The following CHD2 variants were observed in gnomAD, a reference collection of about 807,000 sequenced individuals.
The protein encoded by CHD2 is ATP-dependent chromatin remodeler CHD2.
A neutral mutation model predicts 243.9 loss-of-function variants in CHD2; 28 were observed. That is an observed-to-expected ratio of 0.11 (90% CI 0.09 to 0.16). The LOEUF (loss-of-function observed/expected upper bound fraction) is 0.16, where lower values mean the gene tolerates loss of function less well. Among genes scored for constraint, CHD2 ranks in the 10% least tolerant of loss-of-function variants. The pLI, the probability that CHD2 is intolerant of heterozygous loss-of-function variation, is 1.00. For synonymous variants in CHD2, 775 were observed against 779.0 expected (o/e 0.99, Z 0.09); for missense variants, 1,386 against 2,209.8 (o/e 0.63, Z 7.47).
At chr15:92,979,537 A>G (rs528721424) in intron 22 of CHD2, among the ~76,000 whole-genome samples, 24 of 152,010 alleles carry the variant, frequency 1.6e-4, no homozygotes, top group Non-Finnish European at 3.4e-4. Context: ...CATGTGACAT[A>G]TGACACAGCA....
chr15:92,945,709 C>A (rs879121772), intron 10 of CHD2, 112 bp from the exon 11 acceptor site: 23 of 504,698 alleles, frequency 4.6e-5, no homozygotes, highest in South Asian at 9.0e-5. Flanking sequence ...TTTTTTTTTT[C>A]TTTTTTAAGG....
chr15:92,911,996 G>C (rs2052745189), intron 2 of CHD2, among the ~76,000 whole-genome samples: 1 of 152,120 alleles, frequency 6.6e-6, no homozygotes, highest in African/African-American at 2.4e-5. Context: ...ATGCTCATGG[G>C]GATAGTATAA....
chr15:92,997,037 G>A lies in CHD2; in HGVS notation c.3676G>A (p.Glu1226Lys), dbSNP rs774278079. ...QVNVKSIIQH[E>K]EEFEMLHKSI... ...TAATGTGAAATCCATTATCCAACAT[G>A]AAGAGGAGTTTGAGATGCTGCATAA... is the stretch of plus-strand genomic sequence containing the variant. The change falls in exon 29 of 39, where the codon GAA (glutamate) becomes AAA (lysine). Residue 1226 changes from glutamate to lysine, a missense_variant. Glu to Lys is a moderately conservative substitution (Grantham distance 56). Transcript: ENST00000394196. The surrounding 1 kb of genome is among the most constrained non-coding windows in gnomAD (Gnocchi z 4.1). 2 of 1,613,878 alleles carry A rather than the reference G, an allele frequency of 1.2e-6. No individual in the cohort carries two copies. Among genetic ancestry groups the A allele is most frequent in the South Asian group, 2.2e-5 (2 of 91,036 alleles).
At position 92,978,356 on chromosome 15, in the gene CHD2, A is replaced by G. The variant is rs770659670; in HGVS notation, c.2700A>G (p.Arg900=). The change falls in exon 21 of 39, where the codon CGA becomes CGG. Residue 900 remains arginine, a synonymous_variant. Coordinates refer to ENST00000394196, the MANE Select transcript of CHD2 (RefSeq NM_001271.4). ...NPQNDLQAQA[R]AHRIGQKKQV... ...AGAATGACTTGCAGGCACAAGCCCG[A>G]GCGCATAGAATTGGTCAAAAGAAGC... 3.1e-6 allele frequency: 5 copies of G among 1,613,976 alleles called. No homozygotes were observed. In the South Asian group the frequency reaches 3.3e-5, roughly 11 times the overall value.
At chr15:93,008,444 C>A (rs940434794) in intron 34 of CHD2, among the ~76,000 whole-genome samples, 2 of 152,176 alleles carry the variant, frequency 1.3e-5, no homozygotes, top group Admixed American at 1.3e-4. Context: ...CCATTTTAGC[C>A]CTCATCCTTC....
chr15:93,020,406 G>A (rs1281672115), intron 38 of CHD2, 148 bp downstream of exon 38: 7 of 1,000,628 alleles, frequency 7.0e-6, no homozygotes, highest in Non-Finnish European at 1.0e-5. Context: ...CCCATGTCTT[G>A]GTTATAGGTT....
At chr15:92,912,751 G>A (rs563151290) in intron 2 of CHD2, among the ~76,000 whole-genome samples, 6 of 152,180 alleles carry the variant, frequency 3.9e-5, no homozygotes, top group Middle Eastern at 3.4e-3. Flanking sequence ...GGCCAGGCTG[G>A]TCTCAAACTC....
intron 37 of CHD2, among the ~76,000 whole-genome samples, chr15:93,018,918 C>T (rs2054495912): frequency 6.6e-6 from 1 of 152,324 alleles, no homozygotes; most frequent in Non-Finnish European, 1.5e-5. Context: ...GGTAAAATCA[C>T]ACTCACAGGC....
chr15:93,004,663 A>G lies in CHD2; in HGVS notation c.4325A>G (p.Gln1442Arg). The change falls in exon 34 of 39, where the codon CAG becomes CGG. Residue 1442 changes from glutamine (Q) to arginine (R), a missense_variant. Physicochemically the swap from Gln to Arg is conservative, Grantham distance 43. Around this residue, in one of 19 missense-constraint regions of CHD2, gnomAD observed 125 missense variants for 128.9 expected, o/e 0.97. Coordinates refer to ENST00000394196, the MANE Select transcript of CHD2 (RefSeq NM_001271.4). The stretch of plus-strand genomic sequence containing the variant: ...TCTTCGAGTAAATCAAAGCGATCTC[A>G]GGGTCCTGTCCATATTACAGCAGGA... The part of the protein sequence containing the change: ...AKSSSKSKRS[Q>R]GPVHITAGSE... 2 of 1,613,260 alleles carry G rather than the reference A, an allele frequency of 1.2e-6. No homozygotes were observed. Among genetic ancestry groups the G allele is most frequent in the Non-Finnish European group, 1.7e-6 (2 of 1,179,460 alleles).
At chr15:92,987,336 G>A (rs892044590) in intron 26 of CHD2, among the ~76,000 whole-genome samples, 1 of 151,978 alleles carries the variant, frequency 6.6e-6, no homozygotes, top group Non-Finnish European at 1.5e-5. Context: ...GGTGGTTCAC[G>A]CCTGTAATCC....
intron 37 of CHD2, among the ~76,000 whole-genome samples, 185 bp downstream of exon 37, chr15:93,015,094 T>C (rs1042199413): frequency 9.9e-5 from 15 of 152,148 alleles, no homozygotes; most frequent in African/African-American, 3.4e-4. Context: ...TTTTTGTTTG[T>C]TTGAGACTGA....
chr15:92,967,553 C>T (rs1390121198), intron 17 of CHD2, 40 bp downstream of exon 17: 2 of 1,477,136 alleles, frequency 1.4e-6, no homozygotes, highest in Non-Finnish European at 1.9e-6. Flanking sequence ...GGGTTGAGAT[C>T]AGTACCATGA....
chr15:93,020,272 T>C lies in CHD2; in HGVS notation c.5153+14T>C. 1 of 1,614,058 alleles carries C rather than the reference T, an allele frequency of 6.2e-7. No homozygotes were observed. The highest frequency in any genetic ancestry group is 8.5e-7 in the Non-Finnish European group (1 of 1,179,986). On this transcript the variant is annotated intron_variant, in intron 38 of 38. Coordinates refer to ENST00000394196, the MANE Select transcript of CHD2 (RefSeq NM_001271.4). ...TTATTATGACAGGTATGCAAAAGGC[T>C]GTGAGACACCAGGTGCCAACCTTTG...
intron 13 of CHD2, 125 bp downstream of exon 13, chr15:92,949,201 G>A: frequency 6.6e-7 from 1 of 1,507,100 alleles, no homozygotes. Flanking sequence ...TCTTTATGCT[G>A]CATATTACAG....
At chr15:93,005,774 A>G (rs1245615274) in intron 34 of CHD2, among the ~76,000 whole-genome samples, 2 of 152,226 alleles carry the variant, frequency 1.3e-5, no homozygotes, top group Non-Finnish European at 2.9e-5. Context: ...TTTAGATGCT[A>G]GAAGTATATC....
intron 22 of CHD2, among the ~76,000 whole-genome samples, chr15:92,980,392 C>T (rs1022120540): frequency 5.9e-5 from 9 of 151,932 alleles, no homozygotes; most frequent in East Asian, 1.9e-4. Context: ...CAAATTAGCC[C>T]TTCCTAAATA....
chr15:92,979,086 G>T, intron 21 of CHD2, 49 bp from the exon 22 acceptor site: 1 of 1,587,572 alleles, frequency 6.3e-7, no homozygotes, highest in Admixed American at 1.8e-5. Flanking sequence ...TTTTTTGGGG[G>T]GGTTGGGGGG....
At chr15:92,903,693 CT>C (rs1365085103) in intron 2 of CHD2, among the ~76,000 whole-genome samples, 2 of 152,140 alleles carry the variant, frequency 1.3e-5, no homozygotes, top group Non-Finnish European at 2.9e-5. Flanking sequence ...TAATTTGCAG[CT>C]TGGGGATAAC....
rs1194908408 is a variant in CHD2, at chr15:92,990,056, A to G, written c.3414-1420A>G. 2.0e-5 allele frequency among the ~76,000 whole-genome samples: 3 copies of G among 152,170 alleles called. No homozygotes were observed. The East Asian group carries it at 5.8e-4, about 29-fold the overall frequency. Reference sequence around the variant, plus strand: ...GGCCGTCATGGTGTTAAATCTTTGCATCTAATTGTTTTTGACCAATGAATT... The same window carrying G: ...GGCCGTCATGGTGTTAAATCTTTGCGTCTAATTGTTTTTGACCAATGAATT... On this transcript the variant is annotated intron_variant, in intron 26 of 38. Transcript: ENST00000394196.
Sources: gnomAD v4.1 joint callset for allele counts (sites outside exome capture counted in the v4.1 genomes callset) on GRCh38, gnomAD v4.1.1 for gene constraint, gnomAD v4.1.1 regional missense constraint, Gnocchi (gnomAD v3.1) non-coding constraint, MANE v1.5 for transcripts, NCBI Gene and HGNC (gene_info 2026-07-23, HGNC 2026-07-21) for gene names.